The following HSP90AA1 variants were observed in gnomAD, a reference collection of about 807,000 sequenced individuals.
HSP90AA1 encodes heat shock protein HSP 90-alpha.
In HSP90AA1, 18 loss-of-function variants were observed where a neutral mutation model predicts 73.3. That is an observed-to-expected ratio of 0.25 (90% confidence interval 0.17 to 0.36). HSP90AA1 has a LOEUF of 0.36. HSP90AA1 is among the 10% of genes least tolerant of loss of function. The pLI is 1.00. For synonymous variants in HSP90AA1, 477 were observed against 296.9 expected (o/e 1.61, Z -6.24); for missense variants, 704 against 874.2 (o/e 0.81, Z 2.45).
At position 102,081,613 on chromosome 14, in the gene HSP90AA1, CTTT is replaced by C; in HGVS notation, c.*96_*98del. ...TAAAGTAGTTGTCATGCCATACAGA[CTTT>C]TTAATATTAACAAAAATAAAGAAAA... On this transcript the variant is annotated 3_prime_UTR_variant, in exon 11 of 11. Coordinates refer to ENST00000216281, the MANE Select transcript of HSP90AA1 (RefSeq NM_005348.4). 1 of 751,176 alleles carries C rather than the reference CTTT, an allele frequency of 1.3e-6. No individual in the cohort carries two copies. The allele number at this position is 751,176 out of a possible 1,614,324, so 46.5% of individuals were successfully genotyped here. A position where few individuals can be genotyped will look rare whatever the true frequency, so the allele number is the denominator to read the frequency against.
chr14:102,117,210 GA>G (rs1383704301), intron 1 of HSP90AA1, among the ~76,000 whole-genome samples: 6 of 152,174 alleles, frequency 3.9e-5, no homozygotes, highest in Non-Finnish European at 7.4e-5. Context: ...TGGGTGCCGT[GA>G]AAAGTTGTAG....
chr14:102,130,526 C>T (rs562805855), intron 1 of HSP90AA1, among the ~76,000 whole-genome samples: 14 of 152,000 alleles, frequency 9.2e-5, no homozygotes, highest in Admixed American at 3.3e-4. Flanking sequence ...TTTGCATTTC[C>T]CTGATGGCTA....
At chr14:102,101,958 C>T (rs148866840) in exon 2 of HSP90AA1, 26 of 1,613,988 alleles carry the variant, frequency 1.6e-5, no homozygotes, top group East Asian at 4.5e-5. Flanking sequence ...GCCAGTGACG[C>T]GGTGACAGGG....
intron 1 of HSP90AA1, among the ~76,000 whole-genome samples, chr14:102,117,879 C>T (rs1260430371): frequency 6.6e-6 from 1 of 152,188 alleles, no homozygotes; most frequent in Admixed American, 6.5e-5. Flanking sequence ...TGGGGCCCTG[C>T]AGTTCCTGGT....
In HSP90AA1 at chr14:102,085,377, G is replaced by C; in HGVS notation, c.584C>G (p.Thr195Ser). The change falls in exon 4 of 11, where the codon ACT (threonine) becomes AGT (serine). Residue 195 changes from threonine (T) to serine (S), a missense_variant. Physicochemically the swap from Thr to Ser is moderately conservative, Grantham distance 58 (BLOSUM62 1). Coordinates refer to ENST00000216281, the MANE Select transcript of HSP90AA1 (RefSeq NM_005348.4). ...KVILHLKEDQ[T>S]EYLEERRIKE... ...TATTCTTCGTTCCTCCAAGTACTCA[G>C]TTTGGTCTTCTTTCAGGTGTAGGAT... 1.2e-6 allele frequency: 2 copies of C among 1,613,066 alleles called. No homozygotes were observed. The highest frequency in any genetic ancestry group is 1.7e-6 in the Non-Finnish European group (2 of 1,179,004).
At position 102,084,598 on chromosome 14, in the gene HSP90AA1, A is replaced by G. The variant is rs754689274; in HGVS notation, c.982-34T>C. 3.1e-6 allele frequency: 5 copies of G among 1,614,198 alleles called. No individual in the cohort carries two copies. The Admixed American group carries it at 8.3e-5, about 27-fold the overall frequency. ...AAACAGATACACTAAGTACCAATGA[A>G]CAATGCATTATAGAAGATATTTGGG... is the stretch of plus-strand genomic sequence containing the variant. On this transcript the variant is annotated intron_variant, in intron 5 of 10. Transcript: ENST00000216281.
intron 1 of HSP90AA1, among the ~76,000 whole-genome samples, chr14:102,122,434 C>CCA (rs1214795352): frequency 1.3e-5 from 2 of 151,930 alleles, no homozygotes; most frequent in African/African-American, 4.8e-5. Flanking sequence ...GTGCCCACAA[C>CCA]CACACCCGGC....
intron 1 of HSP90AA1, chr14:102,139,238 G>C (rs376375963): frequency 1.9e-6 from 3 of 1,614,058 alleles, no homozygotes; most frequent in Non-Finnish European, 1.7e-6. Flanking sequence ...TAAATCTTGA[G>C]TCCCTTGGTA....
upstream of HSP90AA1, among the ~76,000 whole-genome samples, chr14:102,089,815 T>G (rs945604843): frequency 2.6e-5 from 4 of 152,150 alleles, no homozygotes; most frequent in African/African-American, 7.2e-5. Flanking sequence ...TTCTGCCTCC[T>G]AAGTACCTCT....
upstream of HSP90AA1, among the ~76,000 whole-genome samples, chr14:102,089,816 A>C (rs978657890): frequency 1.3e-5 from 2 of 151,634 alleles, no homozygotes; most frequent in African/African-American, 4.9e-5. Flanking sequence ...TCTGCCTCCT[A>C]AGTACCTCTT....
At chr14:102,085,220 C>T in intron 4 of HSP90AA1, 78 bp downstream of exon 4, 2 of 1,501,374 alleles carry the variant, frequency 1.3e-6, no homozygotes, top group Non-Finnish European at 1.9e-6. Context: ...TTGAACAGAT[C>T]TAGGGACTAA....
chr14:102,133,552 C>T (rs1422895345), intron 1 of HSP90AA1, among the ~76,000 whole-genome samples: 1 of 146,466 alleles, frequency 6.8e-6, no homozygotes, highest in Non-Finnish European at 1.5e-5. Flanking sequence ...GGCGTGATCT[C>T]GGCTCACTGC....
chr14:102,081,415 C>G lies in HSP90AA1; in HGVS notation c.*297G>C, dbSNP rs907328376. 13 of 440,234 alleles carry G rather than the reference C, an allele frequency of 3.0e-5. No individual in the cohort carries two copies. Among genetic ancestry groups the G allele is most frequent in the Non-Finnish European group, 4.9e-5 (12 of 244,606 alleles). The allele number at this position is 440,234 out of a possible 1,614,324, so 27.3% of individuals were successfully genotyped here. A position where few individuals can be genotyped will look rare whatever the true frequency, so the allele number is the denominator to read the frequency against. ...TGGTCTACTTAGGCATCCGGCTTGA[C>G]AGCTAAACACTTTAGACCACAAAGT... On this transcript the variant is annotated 3_prime_UTR_variant, in exon 11 of 11. Coordinates refer to ENST00000216281, the MANE Select transcript of HSP90AA1 (RefSeq NM_005348.4).
At chr14:102,128,744 G>A (rs2049868807) in intron 1 of HSP90AA1, among the ~76,000 whole-genome samples, 1 of 152,014 alleles carries the variant, frequency 6.6e-6, no homozygotes, top group Non-Finnish European at 1.5e-5. Flanking sequence ...GAGGTTACAG[G>A]GAGCTGAGAT....
chr14:102,138,582 C>G (rs1019255886), intron 1 of HSP90AA1, among the ~76,000 whole-genome samples: 5 of 151,810 alleles, frequency 3.3e-5, no homozygotes, highest in Non-Finnish European at 5.9e-5. Flanking sequence ...GGCACAGTTT[C>G]TATTGGTATC....
At chr14:102,129,462 C>T (rs1343402921) in intron 1 of HSP90AA1, among the ~76,000 whole-genome samples, 2 of 151,970 alleles carry the variant, frequency 1.3e-5, no homozygotes, top group African/African-American at 2.4e-5. Flanking sequence ...TTCCCCATCC[C>T]TAGGCTACCA....
At chr14:102,101,867 C>T (rs1296697284) in intron 2 of HSP90AA1, 5 of 1,608,366 alleles carry the variant, frequency 3.1e-6, no homozygotes, top group Non-Finnish European at 4.3e-6. Flanking sequence ...AAACCTTAGT[C>T]CACTTACCAG....
chr14:102,125,537 A>G (rs1470517389), intron 1 of HSP90AA1, among the ~76,000 whole-genome samples: 1 of 152,218 alleles, frequency 6.6e-6, no homozygotes, highest in Non-Finnish European at 1.5e-5. Context: ...TGCTAAGTAG[A>G]TATTTACCTG....
chr14:102,084,523 T>C lies in HSP90AA1; in HGVS notation c.1023A>G (p.Leu341=), dbSNP rs374753558. 5.6e-4 allele frequency: 899 copies of C among 1,614,190 alleles called. No individual in the cohort carries two copies. Among genetic ancestry groups the C allele is most frequent in the Non-Finnish European group, 7.2e-4 (848 of 1,180,008 alleles). ...CAAAAGGAGCACGTCGTGGGACAAA[T>C]AGAAGGGCTCTGAATTCCAACTGTC... ...VEGQLEFRAL[L]FVPRRAPFDL... The change falls in exon 6 of 11, where the codon CTA becomes CTG. Residue 341 remains leucine (L), a synonymous_variant. Transcript: ENST00000216281.
Sources: allele counts gnomAD v4.1 joint callset (sites outside exome capture counted in the v4.1 genomes callset), GRCh38; gene constraint gnomAD v4.1.1; transcripts MANE v1.5; gene names NCBI Gene and HGNC (gene_info 2026-07-23, HGNC 2026-07-21).